Variants in EIF3A observed in about 807,000 individuals in gnomAD.
EIF3A encodes EIF3, p180 subunit.
Under a neutral mutation model 186.6 loss-of-function variants are expected in EIF3A, and 21 were observed. The ratio of observed to expected loss-of-function variants is 0.11; its 90% confidence interval spans 0.08 to 0.16. The LOEUF (loss-of-function observed/expected upper bound fraction) is 0.16, where lower values mean the gene tolerates loss of function less well. Ranked by LOEUF, EIF3A falls within the 10% of genes least tolerant of loss-of-function variation. EIF3A has a pLI of 1.00. For missense variants in EIF3A, 1,306 were observed against 1,796.3 expected, an observed-to-expected ratio of 0.73 and a Z score of 4.93; for synonymous variants, 563 against 584.3, an observed-to-expected ratio of 0.96 and a Z score of 0.52.
In EIF3A at chr10:119,033,749, GAA is replaced by G. The variant is rs1348447474; in HGVS notation, c.*2288_*2289del. 5 of 166,816 alleles carry G rather than the reference GAA, an allele frequency of 3.0e-5. No homozygotes were observed. The highest frequency in any genetic ancestry group is 7.3e-5 in the Non-Finnish European group (5 of 68,082). 10.3% of individuals were successfully genotyped at this position (166,816 alleles called of 1,614,324 possible). A position where few individuals can be genotyped will look rare whatever the true frequency, so the allele number is the denominator to read the frequency against. On this transcript the variant is annotated 3_prime_UTR_variant, in exon 22 of 22. Coordinates refer to ENST00000369144, the MANE Select transcript of EIF3A (RefSeq NM_003750.4). Reference sequence around the variant, plus strand: ...ACAAATATATATGCTTCCAGACAAAGAAAAGTTTGTTAGTCCTGATTTTCTAA... The same window carrying G: ...ACAAATATATATGCTTCCAGACAAAGAAGTTTGTTAGTCCTGATTTTCTAA...
Position 119,059,229 on chromosome 10 carries a change from T to C in EIF3A, c.1612A>G (p.Lys538Glu). The C allele has an allele frequency of 6.2e-7, 1 of 1,614,194 alleles. No homozygotes were observed. Among genetic ancestry groups the C allele is most frequent in the Non-Finnish European group, 8.5e-7 (1 of 1,180,014 alleles). Residue 538 changes from lysine (K) to glutamate (E), a missense_variant, in exon 11 of 22, where the codon AAA becomes GAA. Physicochemically the swap from Lys to Glu is moderately conservative, Grantham distance 56. Coordinates refer to ENST00000369144, the MANE Select transcript of EIF3A (RefSeq NM_003750.4). ...ATGCATACCAGTATATGAGCTGGTT[T>C]AATGACTTCAAGTGCTTTTGCAAGT... ...SVLAKALEVIKPAHILQEKEE... is the reference protein window; with the variant it reads ...SVLAKALEVIEPAHILQEKEE...
intron 17 of EIF3A, 127 bp from the exon 18 acceptor site, chr10:119,044,269 A>C (rs1379824069): frequency 9.0e-6 from 6 of 667,878 alleles, no homozygotes; most frequent in Non-Finnish European, 1.6e-5. Context: ...CAAGTTTTAA[A>C]ATTTCATTTA....
intron 16 of EIF3A, among the ~76,000 whole-genome samples, 158 bp downstream of exon 16, chr10:119,050,363 A>AC (rs752964620): frequency 3.3e-5 from 5 of 152,220 alleles, no homozygotes; most frequent in Non-Finnish European, 7.3e-5. Flanking sequence ...CGATGTAACA[A>AC]CTTCACATAC....
intron 17 of EIF3A, among the ~76,000 whole-genome samples, chr10:119,046,524 T>C (rs1261178002): frequency 6.6e-6 from 1 of 152,196 alleles, no homozygotes; most frequent in Admixed American, 6.5e-5. Flanking sequence ...GGAAAGATAA[T>C]GTGTAAATAT....
intron 19 of EIF3A, among the ~76,000 whole-genome samples, chr10:119,040,883 G>A (rs1307361057): frequency 6.6e-6 from 1 of 151,798 alleles, no homozygotes; most frequent in Admixed American, 6.6e-5. Flanking sequence ...GTAGGCACCT[G>A]TTGTCCCAGC....
intron 14 of EIF3A, among the ~76,000 whole-genome samples, chr10:119,054,194 T>C (rs916587099): frequency 5.9e-5 from 9 of 152,084 alleles, no homozygotes; most frequent in African/African-American, 1.4e-4. Context: ...GTGCTTATAT[T>C]ACAGACGTGA....
At chr10:119,057,522 C>G (rs533474296) in intron 12 of EIF3A, among the ~76,000 whole-genome samples, 1 of 152,174 alleles carries the variant, frequency 6.6e-6, no homozygotes, top group Non-Finnish European at 1.5e-5. Context: ...CACCTATAAC[C>G]CCAGCAATTT....
At chr10:119,039,577 G>T (rs953845715) in intron 19 of EIF3A, among the ~76,000 whole-genome samples, 1 of 152,142 alleles carries the variant, frequency 6.6e-6, no homozygotes, top group African/African-American at 2.4e-5. Flanking sequence ...GGCTGATGTG[G>T]TAGGATCTCT....
At chr10:119,044,845 C>T (rs562497343) in intron 17 of EIF3A, among the ~76,000 whole-genome samples, 2 of 152,004 alleles carry the variant, frequency 1.3e-5, no homozygotes, top group Non-Finnish European at 2.9e-5. Context: ...AAGCCTCTGT[C>T]TCAAAAAAAT....
rs1455564026 is a variant in EIF3A at position 119,046,602 on chromosome 10, G to T, written c.2659-2460C>A. ...TAAGGTATGGTCATGATTTTGTTTT[G>T]TTCTGAAGAGGCAAAGGAAAGTTGT... is the stretch of plus-strand genomic sequence containing the variant. On this transcript the variant is annotated intron_variant, in intron 17 of 21. Coordinates refer to ENST00000369144, the MANE Select transcript of EIF3A (RefSeq NM_003750.4). Among the ~76,000 whole-genome samples, 3 of 152,310 alleles carry T rather than the reference G, an allele frequency of 2.0e-5. No individual in the cohort carries two copies. In the East Asian group the frequency reaches 5.8e-4, roughly 29 times the overall value.
At position 119,063,874 on chromosome 10, in the gene EIF3A, G is replaced by T. The variant is rs115004355; in HGVS notation, c.1122+1525C>A. Among the ~76,000 whole-genome samples, 810 of 152,346 alleles carry T rather than the reference G, an allele frequency of 5.3e-3. 8 individuals carry two copies. Among genetic ancestry groups the T allele is most frequent in the African/African-American group, 0.018 (756 of 41,580 alleles). On this transcript the variant is annotated intron_variant, in intron 7 of 21. Coordinates refer to ENST00000369144, the MANE Select transcript of EIF3A (RefSeq NM_003750.4). Reference sequence around the variant, plus strand: ...GAGGGGGATCGTTCACTTGAGGCCAGGAGTTCACGACCAGCCTAGCCAACG... The same window carrying T: ...GAGGGGGATCGTTCACTTGAGGCCATGAGTTCACGACCAGCCTAGCCAACG...
At position 119,042,834 on chromosome 10, in the gene EIF3A, A is replaced by AT. The variant is rs796769658; in HGVS notation, c.2748-63dup. ...TAAAAAAGCATATGATCCTTTGGGG[A>AT]TTTTTTTTTTCACATGCTTTTTAAA... On this transcript the variant is annotated intron_variant, in intron 18 of 21. Transcript: ENST00000369144. The surrounding 1 kb of genome is among the most constrained non-coding windows in gnomAD (Gnocchi z 7.8). The AT allele has an allele frequency of 1.5e-3, 2,092 of 1,403,544 alleles. 1 individual carries two copies. The highest frequency in any genetic ancestry group is 1.7e-3 in the Non-Finnish European group (1,768 of 1,060,680). 86.9% of individuals were successfully genotyped at this position (1,403,544 alleles called of 1,614,324 possible).
chr10:119,042,371 C>T lies in EIF3A; in HGVS notation c.3149G>A (p.Arg1050Gln), dbSNP rs375001473. Residue 1050 changes from arginine (R) to glutamine (Q), a missense_variant, in exon 19 of 22, where the codon CGA (arginine) becomes CAA (glutamine). By Grantham distance (43) the Arg-to-Gln change is conservative. This residue lies in a region of EIF3A where 410 missense variants were observed against 473.5 expected (regional missense o/e 0.87). Transcript: ENST00000369144. This position sits in a 1 kb window ranked among gnomAD's most constrained non-coding sequence, Gnocchi z 7.8. The part of the protein sequence containing the change: ...RGMDDDRGPR[R>Q]GGADDERSSW... ...TGATCGCTCATCATCAGCGCCTCCTCGCCTCGGCCCCCGGTCATCATCCAT... is the reference window on the plus strand; with the variant it reads ...TGATCGCTCATCATCAGCGCCTCCTTGCCTCGGCCCCCGGTCATCATCCAT... The T allele has an allele frequency of 1.2e-6, 2 of 1,613,950 alleles. No homozygotes were observed. The highest frequency in any genetic ancestry group is 8.5e-7 in the Non-Finnish European group (1 of 1,179,962).
rs1406204567 is a variant in EIF3A at position 119,070,999 on chromosome 10, G to A, written c.628C>T (p.Arg210Cys). ...NLRMHLSQIQRHHNQSTAINL... is the reference protein window; with the variant it reads ...NLRMHLSQIQCHHNQSTAINL... ...ATTGCCGTACTTTGGTTATGGTGGC[G>A]CTGAATCTGCGATAAGTGCATTCTC... The change falls in exon 5 of 22, where the codon CGC becomes TGC. Residue 210 changes from arginine to cysteine, a missense_variant. Arg to Cys is a radical substitution (Grantham distance 180). Coordinates refer to ENST00000369144, the MANE Select transcript of EIF3A (RefSeq NM_003750.4). 3 of 1,613,926 alleles carry A rather than the reference G, an allele frequency of 1.9e-6. No individual in the cohort carries two copies. The highest frequency in any genetic ancestry group is 1.7e-5 in the Admixed American group (1 of 60,022).
intron 20 of EIF3A, 61 bp from the exon 21 acceptor site, chr10:119,037,370 G>A: frequency 1.4e-6 from 2 of 1,436,014 alleles, no homozygotes; most frequent in Non-Finnish European, 1.9e-6. Flanking sequence ...ATAATTATAA[G>A]TACATCCAGT....
chr10:119,056,874 C>G, intron 13 of EIF3A, 21 bp from the exon 14 acceptor site: 1 of 1,595,180 alleles, frequency 6.3e-7, no homozygotes, highest in African/African-American at 1.3e-5. Flanking sequence ...CGAAAACACA[C>G]GTAGTTTTAA....
chr10:119,068,035 T>C (rs1844008244), intron 6 of EIF3A, among the ~76,000 whole-genome samples: 1 of 152,154 alleles, frequency 6.6e-6, no homozygotes, highest in Admixed American at 6.5e-5. Flanking sequence ...GGTCTTGAAC[T>C]CCTAACCCTA....
chr10:119,055,677 G>T (rs1843766523), intron 14 of EIF3A, among the ~76,000 whole-genome samples: 1 of 152,266 alleles, frequency 6.6e-6, no homozygotes, highest in African/African-American at 2.4e-5. Flanking sequence ...TTTGAGACCT[G>T]CCTGGGTAAC....
In EIF3A at chr10:119,052,218, A is replaced by T. The variant is rs148611503; in HGVS notation, c.2197-897T>A. Among the ~76,000 whole-genome samples the T allele has an allele frequency of 6.3e-4, 96 of 152,312 alleles. 2 individuals are homozygous for T. The East Asian group carries it at 0.014, about 22-fold the overall frequency. On this transcript the variant is annotated intron_variant, in intron 14 of 21. Coordinates refer to ENST00000369144, the MANE Select transcript of EIF3A (RefSeq NM_003750.4). ...GGAATATTCTAAATCCTTTGTTGTC[A>T]GGTCAACAATGTTCGTAGCATTTTC...
Sources: gnomAD v4.1 joint callset for allele counts (sites outside exome capture counted in the v4.1 genomes callset) on GRCh38, gnomAD v4.1.1 for gene constraint, gnomAD v4.1.1 regional missense constraint, Gnocchi (gnomAD v3.1) non-coding constraint, MANE v1.5 for transcripts, NCBI Gene and HGNC (gene_info 2026-07-23, HGNC 2026-07-21) for gene names.